DHX9: variants seen among roughly 807,000 people sequenced by gnomAD.
DHX9 encodes DExH-box helicase 9.
A neutral mutation model predicts 148.7 loss-of-function variants in DHX9; 27 were observed. The observed-to-expected ratio is 0.18, with a 90% CI of 0.13 to 0.25. The LOEUF (loss-of-function observed/expected upper bound fraction) is 0.25, where lower values mean the gene tolerates loss of function less well. DHX9 is among the 10% of genes least tolerant of loss of function. The pLI is 1.00. For synonymous variants in DHX9, 529 were observed against 516.6 expected, an observed-to-expected ratio of 1.02 and a Z score of -0.33; for missense variants, 796 against 1,559.6, an observed-to-expected ratio of 0.51 and a Z score of 8.25.
intron 3 of DHX9, 81 bp from the exon 4 acceptor site, chr1:182,852,152 G>T: frequency 1.3e-6 from 1 of 781,588 alleles, no homozygotes. Context: ...TGACACATGG[G>T]TCCTTTTAAG....
intron 3 of DHX9, among the ~76,000 whole-genome samples, chr1:182,844,723 G>A (rs6659348): frequency 0.033 from 4,987 of 152,124 alleles, 193 homozygotes; most frequent in African/African-American, 0.089. Context: ...TAGTAGAGAC[G>A]GGGTTTTACC....
intron 3 of DHX9, among the ~76,000 whole-genome samples, chr1:182,847,405 A>G (rs1395969719): frequency 2.0e-5 from 3 of 152,144 alleles, no homozygotes; most frequent in Non-Finnish European, 4.4e-5. Context: ...CAGGCATTTA[A>G]TTTAACTGGA....
intron 8 of DHX9, 89 bp from the exon 9 acceptor site, chr1:182,858,462 A>G (rs1442334993): frequency 4.9e-6 from 6 of 1,219,342 alleles, no homozygotes; most frequent in Non-Finnish European, 4.6e-6. Context: ...TGGTTTAGGA[A>G]TATTGTAGAC....
intron 21 of DHX9, among the ~76,000 whole-genome samples, chr1:182,879,698 C>G (rs1290347862): frequency 1.3e-5 from 2 of 152,090 alleles, no homozygotes; most frequent in Admixed American, 6.6e-5. Flanking sequence ...ACTCATGATA[C>G]CCACAGTATT....
At chr1:182,874,796 A>T in intron 15 of DHX9, 58 bp from the exon 16 acceptor site, 1 of 1,286,284 alleles carries the variant, frequency 7.8e-7, no homozygotes, top group Non-Finnish European at 1.1e-6. Flanking sequence ...AAATGAATTT[A>T]GGTCTGCTCC....
chr1:182,879,445 T>C (rs1285581665), intron 21 of DHX9, 35 bp downstream of exon 21: 24 of 1,402,868 alleles, frequency 1.7e-5, no homozygotes, highest in South Asian at 3.8e-5. Flanking sequence ...GACGCAGATA[T>C]TAATCATACC....
intron 22 of DHX9, among the ~76,000 whole-genome samples, 157 bp downstream of exon 22, chr1:182,880,765 T>TA (rs1182137213): frequency 1.3e-5 from 2 of 151,928 alleles, no homozygotes; most frequent in Non-Finnish European, 2.9e-5. Context: ...AGTGTAACAC[T>TA]AAAAAAATGA....
At position 182,852,745 on chromosome 1, in the gene DHX9, A is replaced by G. The variant is rs1040883717; in HGVS notation, c.364+401A>G. On this transcript the variant is annotated intron_variant, in intron 4 of 27. Transcript: ENST00000367549. ...TCCTTGAATAACTTTGTTTCCTTCA[A>G]TGTTATTATCTTACAACATTGCTTA... 3.3e-5 allele frequency among the ~76,000 whole-genome samples: 5 copies of G among 152,264 alleles called. No homozygotes were observed. In the East Asian group the frequency reaches 9.6e-4, roughly 29 times the overall value.
intron 23 of DHX9, 28 bp downstream of exon 23, chr1:182,881,453 T>C: frequency 6.2e-7 from 1 of 1,610,660 alleles, no homozygotes; most frequent in African/African-American, 1.3e-5. Context: ...GTGAGCTGTC[T>C]GTAGTTTCTC....
At chr1:182,841,360 A>G (rs1450240330) in intron 1 of DHX9, among the ~76,000 whole-genome samples, 1 of 152,196 alleles carries the variant, frequency 6.6e-6, no homozygotes, top group Non-Finnish European at 1.5e-5. Flanking sequence ...TGTAGTTGGT[A>G]TTGAACATTA....
intron 7 of DHX9, 115 bp downstream of exon 7, chr1:182,856,693 TA>T: frequency 1.2e-6 from 1 of 827,696 alleles, no homozygotes; most frequent in Non-Finnish European, 2.0e-6. Context: ...GCACATAATG[TA>T]AGATAGCATC....
At chr1:182,844,539 T>G (rs1468451040) in intron 3 of DHX9, among the ~76,000 whole-genome samples, 1 of 151,874 alleles carries the variant, frequency 6.6e-6, no homozygotes, top group Non-Finnish European at 1.5e-5. Context: ...AGGTTTTTTT[T>G]GTTTGTTTGT....
chr1:182,861,035 T>C (rs957150522), intron 12 of DHX9, among the ~76,000 whole-genome samples: 1 of 152,280 alleles, frequency 6.6e-6, no homozygotes, highest in Non-Finnish European at 1.5e-5. Context: ...TTACAAACTT[T>C]GAAATGTGTG....
chr1:182,882,607 C>T (rs1571322829), intron 24 of DHX9, among the ~76,000 whole-genome samples: 2 of 152,226 alleles, frequency 1.3e-5, no homozygotes, highest in Admixed American at 1.3e-4. Flanking sequence ...TGGCTCACAC[C>T]TGTAATCCCA....
intron 12 of DHX9, among the ~76,000 whole-genome samples, chr1:182,865,419 A>T (rs998261281): frequency 6.6e-6 from 1 of 152,218 alleles, no homozygotes; most frequent in African/African-American, 2.4e-5. Context: ...CAGGAGTTGA[A>T]CCTTCAGAAC....
rs758315876 is a variant in DHX9, at chr1:182,887,148, G to C, written c.3527G>C (p.Gly1176Ala). 2 of 1,614,240 alleles carry C rather than the reference G, an allele frequency of 1.2e-6. No individual in the cohort carries two copies. Among genetic ancestry groups the C allele is most frequent in the Non-Finnish European group, 8.5e-7 (1 of 1,180,050 alleles). ...RYDNGSGYRR[G>A]GSSYSGGGYG... ...GACAATGGAAGCGGATATAGAAGGG[G>C]AGGTTCTAGTTACAGTGGTGGAGGC... The change falls in exon 28 of 28, where the codon GGA (glycine) becomes GCA (alanine). Residue 1176 changes from glycine to alanine, a missense_variant. This residue lies in a region of DHX9 where 86 missense variants were observed against 156.3 expected (regional missense o/e 0.55). Transcript: ENST00000367549.
In DHX9 at chr1:182,857,993, A is replaced by G. The variant is rs1048513724; in HGVS notation, c.674-111A>G. The G allele has an allele frequency of 6.4e-6, 7 of 1,090,680 alleles. No individual in the cohort carries two copies. In the East Asian group the frequency reaches 1.7e-4, roughly 26 times the overall value. 67.6% of individuals were successfully genotyped at this position (1,090,680 alleles called of 1,614,324 possible). The stretch of plus-strand genomic sequence containing the variant: ...AAAAAGGAACTAGAAGCCATGGCAT[A>G]CCCTGTATTTTAGGGCTTCTTGTGT... On this transcript the variant is annotated intron_variant, in intron 7 of 27. Transcript: ENST00000367549.
intron 12 of DHX9, among the ~76,000 whole-genome samples, chr1:182,864,195 G>A (rs1202919123): frequency 6.6e-6 from 1 of 152,072 alleles, no homozygotes; most frequent in Non-Finnish European, 1.5e-5. Context: ...TGAGCAACCC[G>A]CCAGCCTCAG....
intron 27 of DHX9, among the ~76,000 whole-genome samples, chr1:182,886,538 A>G (rs1178828567): frequency 6.6e-6 from 1 of 152,162 alleles, no homozygotes; most frequent in South Asian, 2.1e-4. Flanking sequence ...TGGTGGTGTT[A>G]TTCTCGAAGA....
Sources: gnomAD v4.1 joint callset for allele counts (sites outside exome capture counted in the v4.1 genomes callset) on GRCh38, gnomAD v4.1.1 for gene constraint, gnomAD v4.1.1 regional missense constraint, MANE v1.5 for transcripts, NCBI Gene and HGNC (gene_info 2026-07-23, HGNC 2026-07-21) for gene names.